The following TRPM1 variants were observed in gnomAD, a reference collection of about 807,000 sequenced individuals.
TRPM1 encodes the protein transient receptor potential cation channel subfamily M member 1, also known as TRPM1-203 APA Isoform, Intron 10.
Under a neutral mutation model 149.4 loss-of-function variants are expected in TRPM1, and 113 were observed. The ratio of observed to expected loss-of-function variants is 0.76; its 90% CI spans 0.65 to 0.88. The LOEUF (loss-of-function observed/expected upper bound fraction) is 0.88, where lower values mean the gene tolerates loss of function less well. TRPM1 is among the 40% of genes least tolerant of loss of function. TRPM1 has a pLI of 0.00. For synonymous variants in TRPM1, 741 were observed against 759.5 expected (o/e 0.98, Z 0.40); for missense variants, 1,976 against 2,038.7 (o/e 0.97, Z 0.59).
intron 4 of TRPM1, among the ~76,000 whole-genome samples, chr15:31,068,570 C>T (rs1027260694): frequency 4.0e-5 from 6 of 151,562 alleles, no homozygotes; most frequent in South Asian, 4.2e-4. Flanking sequence ...GTTGAAACCC[C>T]GTCTCTACTA....
chr15:31,005,506 T>C (rs953801829), intron 27 of TRPM1, among the ~76,000 whole-genome samples: 1 of 152,124 alleles, frequency 6.6e-6, no homozygotes, highest in Non-Finnish European at 1.5e-5. Flanking sequence ...AGCTCCTTTT[T>C]TGGTGTCTCA....
chr15:31,113,067 G>A (rs897707129), intron 1 of TRPM1, among the ~76,000 whole-genome samples: 1 of 152,190 alleles, frequency 6.6e-6, no homozygotes, highest in African/African-American at 2.4e-5. Context: ...GGCTGGAGCA[G>A]GTTCCTGACA....
At chr15:31,061,297 G>T (rs146062639) in intron 10 of TRPM1, 145 bp downstream of exon 10, 3 of 771,876 alleles carry the variant, frequency 3.9e-6, no homozygotes, top group Admixed American at 2.0e-5. Flanking sequence ...TCATTCTGCC[G>T]TGGCTTCATG....
At position 31,070,424 on chromosome 15, in the gene TRPM1, G is replaced by A. The variant is rs138217032; in HGVS notation, c.84-198C>T. The stretch of plus-strand genomic sequence containing the variant: ...ATAATCAGTGCACATCTCTTTATAT[G>A]CCAGTCGATTTTAGACACATTGGAT... On this transcript the variant is annotated intron_variant, in intron 3 of 27. Transcript: ENST00000256552. 3.8e-4 allele frequency: 268 copies of A among 709,260 alleles called. No individual in the cohort carries two copies. The East Asian group carries it at 6.9e-3, about 18-fold the overall frequency. The allele number at this position is 709,260 out of a possible 1,614,324, so 43.9% of individuals were successfully genotyped here.
chr15:31,051,175 G>C (rs2033940146), intron 11 of TRPM1, among the ~76,000 whole-genome samples: 1 of 152,150 alleles, frequency 6.6e-6, no homozygotes, highest in Non-Finnish European at 1.5e-5. Context: ...CTCTACTCCA[G>C]AGAACAGGAG....
At chr15:31,047,599 A>G (rs948949871) in intron 14 of TRPM1, among the ~76,000 whole-genome samples, 2 of 152,328 alleles carry the variant, frequency 1.3e-5, no homozygotes, top group South Asian at 2.1e-4. Flanking sequence ...GTCAGCAGCC[A>G]GGCCACCCCC....
Position 31,035,664 on chromosome 15 carries a change from A to G in TRPM1, c.2582T>C (p.Leu861Ser). 6.2e-7 allele frequency: 1 copy of G among 1,614,234 alleles called. No individual in the cohort carries two copies. The highest frequency in any genetic ancestry group is 8.5e-7 in the Non-Finnish European group (1 of 1,180,046). Reference sequence around the variant, plus strand: ...GTAGTTAAACAGCAGCAGGTAGCCCAAGTATGATATCTGAAAGAAAGACAA... The same window carrying G: ...GTAGTTAAACAGCAGCAGGTAGCCCGAGTATGATATCTGAAAGAAAGACAA... ...VKFWFYTISY[L>S]GYLLLFNYVI... The change falls in exon 21 of 28, where the codon TTG (leucine) becomes TCG (serine). Residue 861 changes from leucine to serine, a missense_variant. Transcript: ENST00000256552.
At chr15:31,038,244 T>C (rs1370690938) in intron 18 of TRPM1, 78 bp from the exon 19 acceptor site, 1 of 1,527,688 alleles carries the variant, frequency 6.5e-7, no homozygotes, top group Non-Finnish European at 8.9e-7. Context: ...TTTTAAATTA[T>C]GACCTTCAAC....
chr15:31,032,646 C>T (rs1214682745), intron 22 of TRPM1, 43 bp downstream of exon 22: 8 of 1,613,860 alleles, frequency 5.0e-6, no homozygotes, highest in Middle Eastern at 3.3e-4. Flanking sequence ...GTCCTAACTA[C>T]AGCCAAAGTC....
At chr15:31,159,725 C>T (rs2036421951) in intron 1 of TRPM1, among the ~76,000 whole-genome samples, 1 of 152,178 alleles carries the variant, frequency 6.6e-6, no homozygotes, top group African/African-American at 2.4e-5. Flanking sequence ...GACTTGCAAA[C>T]ACCTGGTTCA....
chr15:31,046,460 T>G lies in TRPM1; in HGVS notation c.1765-227A>C, dbSNP rs111445907. On this transcript the variant is annotated intron_variant, in intron 15 of 27. Coordinates refer to ENST00000256552, the MANE Select transcript of TRPM1 (RefSeq NM_001252024.2). Reference sequence around the variant, plus strand: ...AAGCTCAGCAGACGCGTGGCCCTTATTCCAGGTAGAAACCGAGAAGTTCCC... The same window carrying G: ...AAGCTCAGCAGACGCGTGGCCCTTAGTCCAGGTAGAAACCGAGAAGTTCCC... Among the ~76,000 whole-genome samples the G allele has an allele frequency of 4.1e-3, 623 of 152,322 alleles. 6 individuals carry two copies. The highest frequency in any genetic ancestry group is 3.3e-3 in the Non-Finnish European group (223 of 68,028).
At chr15:31,113,379 G>C (rs978685846) in intron 1 of TRPM1, among the ~76,000 whole-genome samples, 2 of 151,910 alleles carry the variant, frequency 1.3e-5, no homozygotes, top group Non-Finnish European at 2.9e-5. Flanking sequence ...ACAACCAACG[G>C]GGTTCTCCAA....
chr15:31,145,753 C>T (rs1325169088), intron 1 of TRPM1, among the ~76,000 whole-genome samples: 2 of 152,044 alleles, frequency 1.3e-5, no homozygotes, highest in African/African-American at 4.8e-5. Flanking sequence ...AATACACAGC[C>T]ACTCAAAATG....
chr15:31,126,231 A>G (rs2035950153), intron 1 of TRPM1, among the ~76,000 whole-genome samples: 2 of 152,238 alleles, frequency 1.3e-5, no homozygotes, highest in South Asian at 4.1e-4. Context: ...AAATTTAAAC[A>G]CATCTTTCAC....
intron 3 of TRPM1, chr15:31,070,525 C>T (rs2034512446): frequency 3.2e-6 from 2 of 624,656 alleles, no homozygotes; most frequent in Non-Finnish European, 5.9e-6. Context: ...ACTAAACATT[C>T]TGTGACAAAG....
intron 27 of TRPM1, among the ~76,000 whole-genome samples, chr15:31,020,008 A>C (rs2032503152): frequency 1.3e-5 from 2 of 152,210 alleles, no homozygotes; most frequent in Non-Finnish European, 2.9e-5. Context: ...ATTCTCTGTA[A>C]TAAACAGTAT....
At chr15:31,129,952 C>T (rs1306071043) in intron 1 of TRPM1, among the ~76,000 whole-genome samples, 1 of 152,258 alleles carries the variant, frequency 6.6e-6, no homozygotes, top group Admixed American at 6.5e-5. Context: ...TTAGTTTTCC[C>T]ATCTGTGATT....
intron 27 of TRPM1, among the ~76,000 whole-genome samples, chr15:31,011,916 C>T (rs1305757234): frequency 5.9e-5 from 9 of 152,170 alleles, no homozygotes; most frequent in East Asian, 5.8e-4. Flanking sequence ...CACCTGCCTT[C>T]GCCTCCCAAA....
At chr15:31,080,824 G>A (rs536753445) in intron 2 of TRPM1, among the ~76,000 whole-genome samples, 2 of 151,724 alleles carry the variant, frequency 1.3e-5, no homozygotes, top group African/African-American at 4.8e-5. Context: ...GCGCTGGGGC[G>A]CTGTCCAGGA....
Sources: allele counts gnomAD v4.1 joint callset (sites outside exome capture counted in the v4.1 genomes callset), GRCh38; gene constraint gnomAD v4.1.1; transcripts MANE v1.5; gene names NCBI Gene and HGNC (gene_info 2026-07-23, HGNC 2026-07-21).